Variants in PLCXD3 observed in about 807,000 individuals in gnomAD.
The protein encoded by PLCXD3 is phosphatidylinositol specific phospholipase C X domain containing 3, also known as PI-PLC X domain-containing protein 3.
Under a neutral mutation model 25.5 loss-of-function variants are expected in PLCXD3, and 19 were observed. The observed-to-expected ratio is 0.75, with a 90% CI of 0.52 to 1.09. The LOEUF (loss-of-function observed/expected upper bound fraction) is 1.09. PLCXD3 is among the 50% of genes least tolerant of loss of function. The pLI, the probability that PLCXD3 is intolerant of heterozygous loss-of-function variation, is 0.00. For synonymous variants in PLCXD3, 174 were observed against 137.6 expected (o/e 1.26, Z -1.85); for missense variants, 411 against 388.1 (o/e 1.06, Z -0.50).
intron 1 of PLCXD3, among the ~76,000 whole-genome samples, chr5:41,421,793 C>T (rs763112656): frequency 1.3e-5 from 2 of 152,168 alleles, no homozygotes; most frequent in Non-Finnish European, 2.9e-5. Flanking sequence ...ATTTTAATTT[C>T]AGCTGATTTG....
intron 2 of PLCXD3, among the ~76,000 whole-genome samples, chr5:41,355,775 A>G (rs536566198): frequency 6.6e-6 from 1 of 152,298 alleles, no homozygotes; most frequent in South Asian, 2.1e-4. Context: ...TTCCATGAAG[A>G]GTGGGCACAG....
Position 41,329,597 on chromosome 5 carries a change from A to T in PLCXD3, c.813-15827T>A, listed in dbSNP as rs553882782. On this transcript the variant is annotated intron_variant, in intron 2 of 2. Coordinates refer to ENST00000377801, the MANE Select transcript of PLCXD3 (RefSeq NM_001005473.3). The stretch of plus-strand genomic sequence containing the variant: ...TTTTGCTGAATAAAAGTAATTTTTT[A>T]CAAAAAATATTGACTTGAAGAATTT... Among the ~76,000 whole-genome samples the T allele has an allele frequency of 2.5e-3, 375 of 152,216 alleles. 4 individuals carry two copies. The highest frequency in any genetic ancestry group is 6.8e-3 in the Middle Eastern group (2 of 294).
chr5:41,381,029 T>A (rs1175618588), intron 2 of PLCXD3, among the ~76,000 whole-genome samples: 2 of 152,116 alleles, frequency 1.3e-5, no homozygotes, highest in Non-Finnish European at 2.9e-5. Flanking sequence ...AGGATATAGT[T>A]TAAGAATAGA....
intron 2 of PLCXD3, among the ~76,000 whole-genome samples, chr5:41,342,406 C>T (rs796900406): frequency 6.6e-6 from 1 of 152,050 alleles, no homozygotes; most frequent in Admixed American, 6.6e-5. Context: ...ACTGATTTCA[C>T]CATCTGTCAA....
At chr5:41,426,661 C>T (rs562602453) in intron 1 of PLCXD3, among the ~76,000 whole-genome samples, 1 of 152,142 alleles carries the variant, frequency 6.6e-6, no homozygotes, top group Admixed American at 6.5e-5. Flanking sequence ...TTCTACTTTG[C>T]TTTTAATTCT....
At chr5:41,431,152 A>G (rs1005343759) in intron 1 of PLCXD3, among the ~76,000 whole-genome samples, 3 of 152,186 alleles carry the variant, frequency 2.0e-5, no homozygotes, top group Non-Finnish European at 4.4e-5. Flanking sequence ...CTCCTTCCAT[A>G]GAGGGATTTT....
chr5:41,448,681 T>C (rs1747560421), intron 1 of PLCXD3, among the ~76,000 whole-genome samples: 1 of 152,198 alleles, frequency 6.6e-6, no homozygotes. Context: ...CCTTTTCTTC[T>C]TTCCCTACCT....
Position 41,382,259 on chromosome 5 carries a change from C to T in PLCXD3, c.379G>A (p.Glu127Lys). ...FSAKVNEGLE[E>K]INAFLTDHHK... ...TGATCTGTGAGGAATGCATTGATCT[C>T]CTCAAGGCCTTCATTGACTTTGGCA... Residue 127 changes from glutamate to lysine, a missense_variant, in exon 2 of 3, where the codon GAG becomes AAG. Coordinates refer to ENST00000377801, the MANE Select transcript of PLCXD3 (RefSeq NM_001005473.3). 6.2e-7 allele frequency: 1 copy of T among 1,613,726 alleles called. No homozygotes were observed. The highest frequency in any genetic ancestry group is 8.5e-7 in the Non-Finnish European group (1 of 1,179,788).
intron 1 of PLCXD3, among the ~76,000 whole-genome samples, chr5:41,416,178 G>T (rs1746687397): frequency 2.0e-5 from 3 of 151,998 alleles, no homozygotes. Context: ...TGAGAACAAA[G>T]AAGCCCATTG....
At chr5:41,454,762 G>A (rs1393209494) in intron 1 of PLCXD3, among the ~76,000 whole-genome samples, 1 of 151,924 alleles carries the variant, frequency 6.6e-6, no homozygotes, top group African/African-American at 2.4e-5. Context: ...AGAGACAAAT[G>A]AGACATATTC....
At chr5:41,443,356 G>A (rs909996822) in intron 1 of PLCXD3, among the ~76,000 whole-genome samples, 8 of 151,994 alleles carry the variant, frequency 5.3e-5, no homozygotes, top group Non-Finnish European at 7.4e-5. Flanking sequence ...TAGCCTAGGT[G>A]CGTAGTGGGC....
intron 1 of PLCXD3, among the ~76,000 whole-genome samples, chr5:41,447,651 C>A (rs1416635437): frequency 1.3e-5 from 2 of 152,146 alleles, no homozygotes; most frequent in South Asian, 2.1e-4. Context: ...CATTTAATTG[C>A]CAAGATTGGG....
intron 2 of PLCXD3, among the ~76,000 whole-genome samples, chr5:41,379,667 A>C (rs748883970): frequency 2.6e-5 from 4 of 152,066 alleles, no homozygotes; most frequent in Non-Finnish European, 4.4e-5. Flanking sequence ...GACAAGTCTA[A>C]AATTTGGTTT....
chr5:41,437,454 G>A (rs1012242036), intron 1 of PLCXD3, among the ~76,000 whole-genome samples: 10 of 152,226 alleles, frequency 6.6e-5, no homozygotes, highest in African/African-American at 2.4e-4. Context: ...TTGTGATTGT[G>A]GGAAGAGGTG....
chr5:41,434,450 A>G (rs1747188518), intron 1 of PLCXD3, among the ~76,000 whole-genome samples: 1 of 152,166 alleles, frequency 6.6e-6, no homozygotes, highest in Non-Finnish European at 1.5e-5. Context: ...TGACCTAGCT[A>G]GGGAGGTTCA....
chr5:41,472,497 T>C (rs1049863680), intron 1 of PLCXD3, among the ~76,000 whole-genome samples: 1 of 152,250 alleles, frequency 6.6e-6, no homozygotes, highest in Non-Finnish European at 1.5e-5. Flanking sequence ...TGTGATAGCA[T>C]TGGAAATGGC....
intron 2 of PLCXD3, among the ~76,000 whole-genome samples, chr5:41,371,118 C>T (rs557684275): frequency 6.6e-6 from 1 of 152,204 alleles, no homozygotes; most frequent in East Asian, 1.9e-4. Flanking sequence ...TTTGATTTGC[C>T]TCATTATCAA....
Position 41,311,959 on chromosome 5 carries a change from A to G in PLCXD3, c.*1658T>C, listed in dbSNP as rs1743144616. On this transcript the variant is annotated 3_prime_UTR_variant, in exon 3 of 3. Coordinates refer to ENST00000377801, the MANE Select transcript of PLCXD3 (RefSeq NM_001005473.3). Reference sequence around the variant, plus strand: ...ATGGACTGTATTATCCTAGGAAACTATTGGGGTGTGATTATTTCTAAACAT... The same window carrying G: ...ATGGACTGTATTATCCTAGGAAACTGTTGGGGTGTGATTATTTCTAAACAT... 1 of 152,534 alleles carries G rather than the reference A, an allele frequency of 6.6e-6. No individual in the cohort carries two copies. Among genetic ancestry groups the G allele is most frequent in the African/African-American group, 2.4e-5 (1 of 41,424 alleles). The allele number at this position is 152,534 out of a possible 1,614,324, so 9.4% of individuals were successfully genotyped here.
At chr5:41,504,795 C>T (rs894178363) in intron 1 of PLCXD3, among the ~76,000 whole-genome samples, 6 of 152,168 alleles carry the variant, frequency 3.9e-5, no homozygotes, top group African/African-American at 1.4e-4. Context: ...ACTAGTTTAT[C>T]AATCCAGCCC....
Sources: allele counts gnomAD v4.1 joint callset (sites outside exome capture counted in the v4.1 genomes callset), GRCh38; gene constraint gnomAD v4.1.1; transcripts MANE v1.5; gene names NCBI Gene and HGNC (gene_info 2026-07-23, HGNC 2026-07-21).